Variants in NPHP4 observed in about 807,000 individuals in gnomAD.
The protein encoded by NPHP4 is nephrocystin-4.
A neutral mutation model predicts 155.8 loss-of-function variants in NPHP4; 151 were observed. The observed-to-expected ratio is 0.97, with a 90% CI of 0.85 to 1.11. The LOEUF is 1.11. Ranked by LOEUF, NPHP4 falls within the 50% of genes least tolerant of loss-of-function variation. The pLI is 0.00. For synonymous variants in NPHP4, 845 were observed against 816.8 expected, an observed-to-expected ratio of 1.03 and a Z score of -0.59; for missense variants, 1,956 against 1,925.7, an observed-to-expected ratio of 1.02 and a Z score of -0.29.
chr1:5,922,466 T>C (rs1645790866), intron 11 of NPHP4, among the ~76,000 whole-genome samples: 1 of 152,246 alleles, frequency 6.6e-6, no homozygotes, highest in African/African-American at 2.4e-5. Context: ...AATTAGAACA[T>C]TACAGTAAGT....
At chr1:5,937,932 G>A (rs184393955) in intron 9 of NPHP4, among the ~76,000 whole-genome samples, 12 of 152,328 alleles carry the variant, frequency 7.9e-5, no homozygotes, top group Admixed American at 5.9e-4. Context: ...GGGAACACGC[G>A]CAGTCACACT....
At chr1:5,919,696 G>A (rs1481298371) in intron 11 of NPHP4, among the ~76,000 whole-genome samples, 2 of 152,056 alleles carry the variant, frequency 1.3e-5, no homozygotes, top group East Asian at 1.9e-4. Context: ...ACCTACTTTC[G>A]TGGATGCAGT....
chr1:5,909,089 G>C (rs1298268157), intron 12 of NPHP4, 63 bp downstream of exon 12: 1 of 1,326,994 alleles, frequency 7.5e-7, no homozygotes, highest in Non-Finnish European at 1.1e-6. Flanking sequence ...GGGGGACAGA[G>C]GGTTTTCTTG....
chr1:5,911,327 G>A (rs989812357), intron 11 of NPHP4, among the ~76,000 whole-genome samples: 1 of 152,192 alleles, frequency 6.6e-6, no homozygotes, highest in Non-Finnish European at 1.5e-5. Context: ...GAAGCTCCAC[G>A]CCGTTCCTCC....
Position 5,931,650 on chromosome 1 carries a change from C to T in NPHP4, c.1302+1497G>A, listed in dbSNP as rs113713987. ...TTGGGAGGCTGAGCCAGAAGAATCG[C>T]GTGAACCTGGGAGATGGAGGTTGCA... On this transcript the variant is annotated intron_variant, in intron 10 of 29. Coordinates refer to ENST00000378156, the MANE Select transcript of NPHP4 (RefSeq NM_015102.5). 3.3e-3 allele frequency among the ~76,000 whole-genome samples: 487 copies of T among 147,436 alleles called. 3 individuals carry two copies. The highest frequency in any genetic ancestry group is 0.011 in the African/African-American group (457 of 40,050).
Position 5,910,894 on chromosome 1 carries a change from G to A in NPHP4, c.1442-1681C>T, listed in dbSNP as rs1361787049. On this transcript the variant is annotated intron_variant, in intron 11 of 29. Transcript: ENST00000378156. The surrounding 1 kb of genome is among the most constrained non-coding windows in gnomAD (Gnocchi z 5.4). Reference sequence around the variant, plus strand: ...GGTGGAAGGCATTGGGGCAAGGCCAGAGGGAGCCCCCAACCCTCAGAGGAT... The same window carrying A: ...GGTGGAAGGCATTGGGGCAAGGCCAAAGGGAGCCCCCAACCCTCAGAGGAT... Among the ~76,000 whole-genome samples the A allele has an allele frequency of 1.3e-5, 2 of 152,214 alleles. No individual in the cohort carries two copies. The highest frequency in any genetic ancestry group is 4.8e-5 in the African/African-American group (2 of 41,458).
chr1:5,864,980 G>A lies in NPHP4; in HGVS notation c.3816+122C>T, dbSNP rs11121682. 0.15 allele frequency: 144,190 copies of A among 938,636 alleles called. 12,045 individuals are homozygous for A. The highest frequency in any genetic ancestry group is 0.17 in the Non-Finnish European group (104,004 of 599,460). The allele number at this position is 938,636 out of a possible 1,614,324, so 58.1% of individuals were successfully genotyped here. A position where few individuals can be genotyped will look rare whatever the true frequency, so the allele number is the denominator to read the frequency against. On this transcript the variant is annotated intron_variant, in intron 27 of 29. Coordinates refer to ENST00000378156, the MANE Select transcript of NPHP4 (RefSeq NM_015102.5). The stretch of plus-strand genomic sequence containing the variant: ...AGAGGCCTCTGGTAACAGCGTCTGC[G>A]CGCTGGAGGCGCTGGAAAAGCTGCT...
chr1:5,864,432 CG>C lies in NPHP4; in HGVS notation c.3901del (p.Arg1301AlafsTer105). 1.9e-6 allele frequency: 3 copies of C among 1,609,294 alleles called. No homozygotes were observed. Among genetic ancestry groups the C allele is most frequent in the Non-Finnish European group, 2.5e-6 (3 of 1,178,186 alleles). On this transcript the variant is annotated frameshift_variant, in exon 28 of 30. Coordinates refer to ENST00000378156, the MANE Select transcript of NPHP4 (RefSeq NM_015102.5). LOFTEE classifies it high-confidence loss of function. ...VGVRPLRAGS[R>X]FVHLNLVDVD... ...GTCCACCAGGTTGAGATGGACAAAGCGGCTGCCGGCCCTAAGGGGCCTCACG... is the reference window on the plus strand; with the variant it reads ...GTCCACCAGGTTGAGATGGACAAAGCGCTGCCGGCCCTAAGGGGCCTCACG...
At chr1:5,872,121 C>T (rs2100575999) in intron 23 of NPHP4, among the ~76,000 whole-genome samples, 1 of 152,360 alleles carries the variant, frequency 6.6e-6, no homozygotes, top group African/African-American at 2.4e-5. Flanking sequence ...GTGAAAGCAT[C>T]CTGCAAATTC....
chr1:5,937,160 C>T (rs1480368311), intron 9 of NPHP4, among the ~76,000 whole-genome samples: 2 of 152,210 alleles, frequency 1.3e-5, no homozygotes, highest in African/African-American at 4.8e-5. Context: ...CCCGCCACAC[C>T]TGAGCTTTGC....
chr1:5,883,040 C>T (rs1258443334), intron 18 of NPHP4, among the ~76,000 whole-genome samples: 1 of 152,176 alleles, frequency 6.6e-6, no homozygotes, highest in Admixed American at 6.6e-5. Flanking sequence ...GGCACTCAGG[C>T]TTCTTATCAA....
intron 10 of NPHP4, among the ~76,000 whole-genome samples, chr1:5,928,915 T>C (rs528132644): frequency 6.6e-6 from 1 of 152,318 alleles, no homozygotes; most frequent in South Asian, 2.1e-4. Flanking sequence ...CATAAACATG[T>C]TACGTCTCTC....
chr1:5,948,561 A>G (rs1421479977), intron 7 of NPHP4, among the ~76,000 whole-genome samples: 1 of 152,110 alleles, frequency 6.6e-6, no homozygotes, highest in Non-Finnish European at 1.5e-5. Context: ...TGGGCTGACC[A>G]TTCTCAAGAT....
intron 1 of NPHP4, 117 bp from the exon 2 acceptor site, chr1:5,986,444 C>T: frequency 1.2e-6 from 1 of 810,630 alleles, no homozygotes; most frequent in Non-Finnish European, 1.9e-6. Context: ...CCCAAACCCA[C>T]ACTCTGCAAA....
chr1:5,964,447 G>C lies in NPHP4; in HGVS notation c.518-2498C>G, dbSNP rs934913816. On this transcript the variant is annotated intron_variant, in intron 5 of 29. Coordinates refer to ENST00000378156, the MANE Select transcript of NPHP4 (RefSeq NM_015102.5). Reference sequence around the variant, plus strand: ...TGCAAACTAGAACAGGTGAGCCCCAGTTGCCTTTAGACCATTAGCATATCA... The same window carrying C: ...TGCAAACTAGAACAGGTGAGCCCCACTTGCCTTTAGACCATTAGCATATCA... 8.0e-4 allele frequency among the ~76,000 whole-genome samples: 121 copies of C among 152,188 alleles called. 3 individuals carry two copies. The highest frequency in any genetic ancestry group is 7.8e-3 in the Admixed American group (119 of 15,288).
intron 2 of NPHP4, among the ~76,000 whole-genome samples, chr1:5,981,216 C>G (rs1430283258): frequency 6.6e-6 from 1 of 152,178 alleles, no homozygotes; most frequent in Non-Finnish European, 1.5e-5. Context: ...GATCCCGTGG[C>G]TCCCAGAACC....
intron 16 of NPHP4, among the ~76,000 whole-genome samples, chr1:5,897,402 G>T (rs1009969033): frequency 1.3e-5 from 2 of 152,166 alleles, no homozygotes; most frequent in East Asian, 3.8e-4. Context: ...CCGAATCAGC[G>T]TCGTAACAAT....
chr1:5,875,388 G>T (rs1006206794), intron 20 of NPHP4, among the ~76,000 whole-genome samples: 1 of 152,186 alleles, frequency 6.6e-6, no homozygotes. Context: ...CACGAGTCTG[G>T]CCCCCCGCAC....
chr1:5,951,603 A>G (rs1019512711), intron 7 of NPHP4, among the ~76,000 whole-genome samples: 1 of 152,200 alleles, frequency 6.6e-6, no homozygotes, highest in African/African-American at 2.4e-5. Flanking sequence ...TCCGTCCCAC[A>G]TGCCTGTTCC....
Sources: allele counts gnomAD v4.1 joint callset (sites outside exome capture counted in the v4.1 genomes callset), GRCh38; gene constraint gnomAD v4.1.1; non-coding constraint Gnocchi (gnomAD v3.1); transcripts MANE v1.5; gene names NCBI Gene and HGNC (gene_info 2026-07-23, HGNC 2026-07-21).